Variants in IL20RA observed in about 807,000 individuals in gnomAD.
IL20RA encodes the protein interleukin-20 receptor subunit alpha.
IL20RA carries 29 observed loss-of-function variants against 36.5 expected under a neutral mutation model. The observed-to-expected ratio is 0.79, with a 90% confidence interval of 0.59 to 1.08. IL20RA has a LOEUF of 1.08. Ranked by LOEUF, IL20RA falls within the 50% of genes least tolerant of loss-of-function variation. The pLI is 0.00. For synonymous variants in IL20RA, 279 were observed against 267.1 expected (o/e 1.04, Z -0.43); for missense variants, 652 against 668.4 (o/e 0.98, Z 0.27).
intron 1 of IL20RA, chr6:137,044,238 C>G: frequency 1.0e-6 from 1 of 990,216 alleles, no homozygotes; most frequent in South Asian, 4.7e-5. Flanking sequence ...GGGGCCCCTC[C>G]GCGCGGCCGC....
At chr6:137,017,197 C>T (rs1008279650) in intron 1 of IL20RA, 94 bp from the exon 2 acceptor site, 24 of 952,626 alleles carry the variant, frequency 2.5e-5, no homozygotes, top group Middle Eastern at 2.1e-4. Context: ...GCCCCCAATA[C>T]GGCCTTCCAG....
chr6:137,039,707 A>AGGT (rs1776615169), intron 1 of IL20RA, among the ~76,000 whole-genome samples: 1 of 152,178 alleles, frequency 6.6e-6, no homozygotes, highest in African/African-American at 2.4e-5. Context: ...AATGGGAAAG[A>AGGT]GGTGGTGGTA....
chr6:137,040,153 T>C (rs1776634963), intron 1 of IL20RA, among the ~76,000 whole-genome samples: 1 of 152,116 alleles, frequency 6.6e-6, no homozygotes, highest in Non-Finnish European at 1.5e-5. Context: ...TAATGACATC[T>C]GGGTTTCTCA....
chr6:137,006,585 T>C (rs562665207), intron 5 of IL20RA, among the ~76,000 whole-genome samples: 2 of 152,248 alleles, frequency 1.3e-5, no homozygotes, highest in Admixed American at 6.5e-5. Flanking sequence ...AAAGAATAGT[T>C]CCAATAGAGG....
At chr6:137,002,435 T>C (rs1317557546) in intron 6 of IL20RA, 80 bp from the exon 7 acceptor site, 1 of 915,984 alleles carries the variant, frequency 1.1e-6, no homozygotes, top group East Asian at 2.5e-5. Flanking sequence ...GAATATCTTG[T>C]CACCAGACAG....
In IL20RA at chr6:137,017,122, G is replaced by A. The variant is rs758153370; in HGVS notation, c.89-19C>T. 1.2e-6 allele frequency: 2 copies of A among 1,610,290 alleles called. No individual in the cohort carries two copies. Among genetic ancestry groups the A allele is most frequent in the South Asian group, 1.1e-5 (1 of 90,684 alleles). ...CAGGGAACTGAAAAAGGAGCAGAAA[G>A]GAATTGAGGTCTTAGTAGCAGAAAA... is the stretch of plus-strand genomic sequence containing the variant. On this transcript the variant is annotated intron_variant, in intron 1 of 6. Coordinates refer to ENST00000316649, the MANE Select transcript of IL20RA (RefSeq NM_014432.4).
At position 137,004,664 on chromosome 6, in the gene IL20RA, T is replaced by C. The variant is rs750378270; in HGVS notation, c.821A>G (p.Tyr274Cys). 4 of 1,612,962 alleles carry C rather than the reference T, an allele frequency of 2.5e-6. No homozygotes were observed. The Admixed American group carries it at 6.7e-5, about 27-fold the overall frequency. ...CTCTTTGCCAACGTGGATATATCGG[T>C]AGATGGAATAGCCCATCACAGAAAA... ...FLFSVMGYSI[Y>C]RYIHVGKEKH... Residue 274 changes from tyrosine (Y) to cysteine (C), a missense_variant, in exon 6 of 7, where the codon TAC becomes TGC. Tyr to Cys is a radical substitution (Grantham distance 194, BLOSUM62 -2). Transcript: ENST00000316649.
rs538578722 is a variant in IL20RA, at chr6:137,044,208, G to A, written c.88+433C>T. The stretch of plus-strand genomic sequence containing the variant: ...GCTTGCAGGACTGCGGGGCCCGGCG[G>A]CCGAGACGCGGCATCCACAGGGGCC... On this transcript the variant is annotated intron_variant, in intron 1 of 6. Coordinates refer to ENST00000316649, the MANE Select transcript of IL20RA (RefSeq NM_014432.4). The A allele has an allele frequency of 8.6e-5, 85 of 987,464 alleles. No individual in the cohort carries two copies. In the African/African-American group the frequency reaches 1.4e-3, roughly 16 times the overall value. 61.2% of individuals were successfully genotyped at this position (987,464 alleles called of 1,614,324 possible). A position where few individuals can be genotyped will look rare whatever the true frequency, so the allele number is the denominator to read the frequency against.
At chr6:137,006,269 C>T (rs894357302) in intron 5 of IL20RA, among the ~76,000 whole-genome samples, 2 of 152,254 alleles carry the variant, frequency 1.3e-5, no homozygotes, top group African/African-American at 2.4e-5. Context: ...GTTCCGCATG[C>T]GGGCCTGTTA....
chr6:137,029,965 T>A (rs979985167), intron 1 of IL20RA, among the ~76,000 whole-genome samples: 1 of 149,786 alleles, frequency 6.7e-6, no homozygotes, highest in African/African-American at 2.5e-5. Context: ...GCAGAAATGA[T>A]TAAATGGTAA....
intron 1 of IL20RA, among the ~76,000 whole-genome samples, chr6:137,023,712 CT>C (rs891868261): frequency 1.3e-5 from 2 of 152,180 alleles, no homozygotes; most frequent in African/African-American, 4.8e-5. Context: ...AAGAGAGTGG[CT>C]GTGCTGTGAA....
chr6:137,038,111 G>A (rs1054381170), intron 1 of IL20RA: 2 of 147,052 alleles, frequency 1.4e-5, no homozygotes, highest in Admixed American at 6.8e-5. Context: ...TCAACTCTGA[G>A]TTTCTACATC....
chr6:137,026,401 T>A (rs1776090524), intron 1 of IL20RA, among the ~76,000 whole-genome samples: 3 of 152,222 alleles, frequency 2.0e-5, no homozygotes, highest in Non-Finnish European at 4.4e-5. Context: ...ACCAAATCTG[T>A]GTAGCTTGAA....
At chr6:137,004,166 T>A (rs1038973956) in intron 6 of IL20RA, among the ~76,000 whole-genome samples, 1 of 123,346 alleles carries the variant, frequency 8.1e-6, no homozygotes, top group South Asian at 2.9e-4. Context: ...AAGCTTTTTT[T>A]TTTTTTTTTT....
chr6:137,010,472 G>T (rs1156718582), intron 3 of IL20RA, among the ~76,000 whole-genome samples: 1 of 144,806 alleles, frequency 6.9e-6, no homozygotes, highest in African/African-American at 2.5e-5. Context: ...CTTAACTCTT[G>T]GCTTGTAGAA....
chr6:137,031,764 C>T (rs1047209739), intron 1 of IL20RA, among the ~76,000 whole-genome samples: 3 of 151,528 alleles, frequency 2.0e-5, no homozygotes, highest in Non-Finnish European at 4.4e-5. Context: ...GGATGGTTAT[C>T]CAGTATGAGG....
At chr6:137,021,211 A>G (rs1007297172) in intron 1 of IL20RA, among the ~76,000 whole-genome samples, 2 of 152,096 alleles carry the variant, frequency 1.3e-5, no homozygotes, top group East Asian at 3.9e-4. Flanking sequence ...GACTTTTAAT[A>G]ATGTGTCTTT....
intron 1 of IL20RA, among the ~76,000 whole-genome samples, chr6:137,042,443 G>T (rs1776730396): frequency 6.6e-6 from 1 of 152,130 alleles, no homozygotes; most frequent in South Asian, 2.1e-4. Flanking sequence ...TGCTAATCAT[G>T]GTTCTTTATC....
In IL20RA at chr6:137,002,307, C is replaced by T; in HGVS notation, c.913G>A (p.Glu305Lys). 1.2e-6 allele frequency: 2 copies of T among 1,607,668 alleles called. No homozygotes were observed. The highest frequency in any genetic ancestry group is 2.2e-5 in the South Asian group (2 of 89,022). Residue 305 changes from glutamate (E) to lysine (K), a missense_variant, in exon 7 of 7, where the codon GAA (glutamate) becomes AAA (lysine). Transcript: ENST00000316649. ...GTGATAAAGTTAATCACGATTTTTTCAGCAGGCACAAAGAATCTTTTGTCA... is the reference window on the plus strand; with the variant it reads ...GTGATAAAGTTAATCACGATTTTTTTAGCAGGCACAAAGAATCTTTTGTCA... ...EFDKRFFVPA[E>K]KIVINFITLN...
Sources: gnomAD v4.1 joint callset for allele counts (sites outside exome capture counted in the v4.1 genomes callset) on GRCh38, gnomAD v4.1.1 for gene constraint, MANE v1.5 for transcripts, NCBI Gene and HGNC (gene_info 2026-07-23, HGNC 2026-07-21) for gene names.